HIP1R: variants seen among roughly 807,000 people sequenced by gnomAD.
HIP1R encodes the protein huntingtin-interacting protein 1-related protein.
In HIP1R, 135 loss-of-function variants were observed where a neutral mutation model predicts 144.2. The ratio of observed to expected loss-of-function variants is 0.94; its 90% CI spans 0.81 to 1.08. HIP1R has a LOEUF of 1.08. HIP1R is among the 50% of genes least tolerant of loss of function. The probability of loss-of-function intolerance (pLI) is 0.00; values close to 1 mark genes in which losing one functional copy is unlikely to be tolerated. For missense variants in HIP1R, 1,462 were observed against 1,432.8 expected (o/e 1.02, Z -0.33); for synonymous variants, 698 against 612.8 (o/e 1.14, Z -2.05).
Position 122,856,240 on chromosome 12 carries a change from C to T in HIP1R, c.1313-16C>T. On this transcript the variant is annotated splice_polypyrimidine_tract_variant and intron_variant, in intron 14 of 31. Transcript: ENST00000253083. ...CACCCCACACGGGGCATCACTGCCC[C>T]TCCTCTCGCCCCCAGGGAAGGCCAG... 1 of 1,613,536 alleles carries T rather than the reference C, an allele frequency of 6.2e-7. No individual in the cohort carries two copies.
chr12:122,848,202 T>A, intron 2 of HIP1R, 108 bp downstream of exon 2: 1 of 1,231,524 alleles, frequency 8.1e-7, no homozygotes, highest in Non-Finnish European at 1.2e-6. Context: ...GTTCCCTCAC[T>A]GAGCCCGGGG....
chr12:122,858,781 C>CA lies in HIP1R; in HGVS notation c.2051-56dup. The stretch of plus-strand genomic sequence containing the variant: ...GATAGCTGGCCACCGACGGTGGTCC[C>CA]AGTGCTAGTGTCTCAGTGTCATCCT... On this transcript the variant is annotated intron_variant, in intron 20 of 31. Coordinates refer to ENST00000253083, the MANE Select transcript of HIP1R (RefSeq NM_003959.3). 9.0e-6 allele frequency: 11 copies of CA among 1,221,758 alleles called. No individual in the cohort carries two copies. In the South Asian group the frequency reaches 1.3e-4, roughly 15 times the overall value. 75.7% of individuals were successfully genotyped at this position (1,221,758 alleles called of 1,614,324 possible).
intron 1 of HIP1R, among the ~76,000 whole-genome samples, chr12:122,845,662 G>A (rs1368464952): frequency 2.6e-5 from 4 of 152,200 alleles, no homozygotes; most frequent in Non-Finnish European, 4.4e-5. Flanking sequence ...TGCTGGGTGA[G>A]GGGAGAGGGT....
chr12:122,839,595 G>A (rs2033000146), intron 1 of HIP1R, among the ~76,000 whole-genome samples: 1 of 152,130 alleles, frequency 6.6e-6, no homozygotes, highest in Admixed American at 6.5e-5. Context: ...TCTCAGCCCC[G>A]GCACACAGTA....
At position 122,854,967 on chromosome 12, in the gene HIP1R, T is replaced by C. The variant is rs1203024313; in HGVS notation, c.776+5T>C. On this transcript the variant is annotated splice_donor_5th_base_variant and intron_variant, in intron 9 of 31. Coordinates refer to ENST00000253083, the MANE Select transcript of HIP1R (RefSeq NM_003959.3). ...GTTCCACGAGCAGTTTCACAGGTAC[T>C]GCCTGGGACAGGGACAGGATTGAGG... is the stretch of plus-strand genomic sequence containing the variant. The C allele has an allele frequency of 1.2e-6, 2 of 1,612,726 alleles. No homozygotes were observed. Among genetic ancestry groups the C allele is most frequent in the East Asian group, 2.2e-5 (1 of 44,868 alleles).
chr12:122,860,842 G>C (rs2135680268), intron 28 of HIP1R, 58 bp downstream of exon 28: 1 of 1,596,626 alleles, frequency 6.3e-7, no homozygotes, highest in East Asian at 2.3e-5. Flanking sequence ...GGCCTGGGCT[G>C]TGGCTGCCAA....
chr12:122,848,408 G>C (rs947091049), intron 2 of HIP1R, 58 bp from the exon 3 acceptor site: 3 of 1,559,154 alleles, frequency 1.9e-6, no homozygotes, highest in Non-Finnish European at 2.6e-6. Context: ...CTCTCAGCCG[G>C]GTTTGCTGAG....
Position 122,835,527 on chromosome 12 carries a change from A to C in HIP1R, c.-24A>C. ...CTGTGAGTCGCGCGGACGGAGCCGG[A>C]CAAAAGCGGGCGGCGGCGGCAGGAT... On this transcript the variant is annotated 5_prime_UTR_variant, in exon 1 of 32. Coordinates refer to ENST00000253083, the MANE Select transcript of HIP1R (RefSeq NM_003959.3). 1 of 1,330,184 alleles carries C rather than the reference A, an allele frequency of 7.5e-7. No homozygotes were observed. The highest frequency in any genetic ancestry group is 9.7e-7 in the Non-Finnish European group (1 of 1,032,512). The allele number at this position is 1,330,184 out of a possible 1,614,324, so 82.4% of individuals were successfully genotyped here. A position where few individuals can be genotyped will look rare whatever the true frequency, so the allele number is the denominator to read the frequency against.
rs1390168129 is a variant in HIP1R, at chr12:122,859,096, G to A, written c.2194G>A (p.Ala732Thr). The change falls in exon 22 of 32, where the codon GCT becomes ACT. Residue 732 changes from alanine (A) to threonine (T), a missense_variant. By Grantham distance (58) the Ala-to-Thr change is moderately conservative. Coordinates refer to ENST00000253083, the MANE Select transcript of HIP1R (RefSeq NM_003959.3). ...CACCTGCAGGGAGTGCGGGGCCCGG[G>A]CTCTGGAGCTCATGGGGCAGCTGCA... ...IDTCRECGAR[A>T]LELMGQLQDQ... is the part of the protein sequence containing the mutation. The A allele has an allele frequency of 1.9e-6, 3 of 1,602,200 alleles. No homozygotes were observed. The highest frequency in any genetic ancestry group is 1.7e-5 in the Admixed American group (1 of 58,352).
intron 18 of HIP1R, chr12:122,857,828 A>G (rs2033638984): frequency 2.6e-6 from 1 of 386,574 alleles, no homozygotes; most frequent in Admixed American, 4.1e-5. Flanking sequence ...CTGATAGCAA[A>G]GGGTGCTACA....
intron 1 of HIP1R, among the ~76,000 whole-genome samples, chr12:122,842,808 A>C (rs1490572758): frequency 6.6e-6 from 1 of 152,116 alleles, no homozygotes; most frequent in African/African-American, 2.4e-5. Context: ...ACTCACTGAG[A>C]TGCTCGCTGG....
rs778524497 is a variant in HIP1R, at chr12:122,848,788, C to A, written c.301-8C>A. 3 of 1,613,156 alleles carry A rather than the reference C, an allele frequency of 1.9e-6. No homozygotes were observed. The highest frequency in any genetic ancestry group is 2.2e-5 in the South Asian group (2 of 91,088). On this transcript the variant is annotated splice_region_variant and splice_polypyrimidine_tract_variant and intron_variant, in intron 3 of 31. Coordinates refer to ENST00000253083, the MANE Select transcript of HIP1R (RefSeq NM_003959.3). ...CACTCCCCCACTCCCGTATTCCCTG[C>A]GCTGCAGGTGCTGCATGACTGCCAG...
In HIP1R at chr12:122,840,824, C is replaced by T. The variant is rs2033036230; in HGVS notation, c.93+5181C>T. Among the ~76,000 whole-genome samples the T allele has an allele frequency of 6.6e-6, 1 of 152,152 alleles. No individual in the cohort carries two copies. Among genetic ancestry groups the T allele is most frequent in the African/African-American group, 2.4e-5 (1 of 41,420 alleles). ...GGCTCTCCAGGGTTGGGAGGATATT[C>T]TGGGGGACGACAGCCTCAGGAGGTG... is the stretch of plus-strand genomic sequence containing the variant. On this transcript the variant is annotated intron_variant, in intron 1 of 31. Coordinates refer to ENST00000253083, the MANE Select transcript of HIP1R (RefSeq NM_003959.3). The surrounding 1 kb of genome is among the most constrained non-coding windows in gnomAD (Gnocchi z 4.2).
At position 122,860,980 on chromosome 12, in the gene HIP1R, A is replaced by G. The variant is rs763593945; in HGVS notation, c.2831A>G (p.Glu944Gly). Residue 944 changes from glutamate (E) to glycine (G), a missense_variant, in exon 29 of 32, where the codon GAG becomes GGG. Around this residue, in one of 2 missense-constraint regions of HIP1R, gnomAD observed 1,112 missense variants for 1,011.7 expected, o/e 1.10. Transcript: ENST00000253083. The part of the protein sequence containing the change: ...RLQECSRTVN[E>G]RAANVVASTK... ...CAGGAATGTTCTCGCACAGTCAATG[A>G]GAGGGCTGCCAATGTGGTGGCCTCC... The G allele has an allele frequency of 6.2e-6, 10 of 1,613,450 alleles. No homozygotes were observed. Among genetic ancestry groups the G allele is most frequent in the Non-Finnish European group, 8.5e-6 (10 of 1,180,008 alleles).
chr12:122,859,640 CCAGA>C, intron 23 of HIP1R, 104 bp downstream of exon 23: 1 of 1,355,758 alleles, frequency 7.4e-7, no homozygotes, highest in Non-Finnish European at 1.0e-6. Context: ...CTCTCAGCCT[CCAGA>C]CAGAGGACAG....
chr12:122,836,827 G>A lies in HIP1R; in HGVS notation c.93+1184G>A, dbSNP rs1233377624. Among the ~76,000 whole-genome samples, 1 of 152,134 alleles carries A rather than the reference G, an allele frequency of 6.6e-6. No homozygotes were observed. Among genetic ancestry groups the A allele is most frequent in the Non-Finnish European group, 1.5e-5 (1 of 68,040 alleles). On this transcript the variant is annotated intron_variant, in intron 1 of 31. Coordinates refer to ENST00000253083, the MANE Select transcript of HIP1R (RefSeq NM_003959.3). This position sits in a 1 kb window ranked among gnomAD's most constrained non-coding sequence, Gnocchi z 4.1. ...CTTTCGTTTTGAAATGAGAGAGAACGCAGGGAGACCTTCTAACCTTTGTGC... is the reference window on the plus strand; with the variant it reads ...CTTTCGTTTTGAAATGAGAGAGAACACAGGGAGACCTTCTAACCTTTGTGC...
chr12:122,855,330 C>T lies in HIP1R; in HGVS notation c.918C>T (p.Pro306=), dbSNP rs139745552. The change falls in exon 11 of 32, where the codon CCC becomes CCT. Residue 306 remains proline (P), a synonymous_variant. Coordinates refer to ENST00000253083, the MANE Select transcript of HIP1R (RefSeq NM_003959.3). Reference sequence around the variant, plus strand: ...ACATCAAGCCGGTGGTGGTGATCCCCGAGGAGGCCCCGGAAGATGAGGAGC... The same window carrying T: ...ACATCAAGCCGGTGGTGGTGATCCCTGAGGAGGCCCCGGAAGATGAGGAGC... ...AEHIKPVVVI[P]EEAPEDEEPE... The T allele has an allele frequency of 7.7e-5, 124 of 1,611,494 alleles. 1 individual carries two copies. In the Admixed American group the frequency reaches 1.8e-3, roughly 23 times the overall value.
Position 122,835,519 on chromosome 12 carries a change from G to T in HIP1R, c.-32G>T. 3 of 1,311,898 alleles carry T rather than the reference G, an allele frequency of 2.3e-6. No homozygotes were observed. Among genetic ancestry groups the T allele is most frequent in the East Asian group, 3.5e-5 (1 of 28,732 alleles). The allele number at this position is 1,311,898 out of a possible 1,614,324, so 81.3% of individuals were successfully genotyped here. On this transcript the variant is annotated 5_prime_UTR_variant, in exon 1 of 32. Transcript: ENST00000253083. ...CCGTGAGGCTGTGAGTCGCGCGGAC[G>T]GAGCCGGACAAAAGCGGGCGGCGGC...
intron 1 of HIP1R, among the ~76,000 whole-genome samples, chr12:122,842,951 A>C (rs2033099328): frequency 6.6e-6 from 1 of 152,200 alleles, no homozygotes; most frequent in Non-Finnish European, 1.5e-5. Context: ...CCCCCTGGCC[A>C]CTGGACTGAG....
Sources: gnomAD v4.1 joint callset for allele counts (sites outside exome capture counted in the v4.1 genomes callset) on GRCh38, gnomAD v4.1.1 for gene constraint, gnomAD v4.1.1 regional missense constraint, Gnocchi (gnomAD v3.1) non-coding constraint, MANE v1.5 for transcripts, NCBI Gene and HGNC (gene_info 2026-07-23, HGNC 2026-07-21) for gene names.